LRFN2: variants seen among roughly 807,000 people sequenced by gnomAD.
LRFN2 encodes the protein leucine rich repeat and fibronectin type III domain containing 2, also known as leucine-rich repeat and fibronectin type-III domain-containing protein 2.
A neutral mutation model predicts 37.3 loss-of-function variants in LRFN2; 18 were observed. That is an observed-to-expected ratio of 0.48 (90% CI 0.33 to 0.72). The LOEUF is 0.72. Among genes scored for constraint, LRFN2 ranks in the 30% least tolerant of loss-of-function variants. LRFN2 has a pLI of 0.02. For missense variants in LRFN2, 1,006 were observed against 1,060.7 expected, an observed-to-expected ratio of 0.95 and a Z score of 0.72; for synonymous variants, 556 against 466.6, an observed-to-expected ratio of 1.19 and a Z score of -2.47.
At chr6:40,471,171 C>A (rs1014581537) in intron 1 of LRFN2, among the ~76,000 whole-genome samples, 1 of 152,100 alleles carries the variant, frequency 6.6e-6, no homozygotes, top group Non-Finnish European at 1.5e-5. Context: ...GTGCAGATAT[C>A]TGAGAGTGTC....
At chr6:40,584,458 C>T (rs915775043) in intron 1 of LRFN2, among the ~76,000 whole-genome samples, 1 of 152,160 alleles carries the variant, frequency 6.6e-6, no homozygotes. Flanking sequence ...GACCCTAAAA[C>T]TCCACCCCTA....
chr6:40,526,904 C>A (rs1026341213), intron 1 of LRFN2, among the ~76,000 whole-genome samples: 1 of 152,172 alleles, frequency 6.6e-6, no homozygotes, highest in Non-Finnish European at 1.5e-5. Flanking sequence ...CTGCCTGGCT[C>A]CTGGGATCAT....
At chr6:40,478,340 C>T (rs1764753138) in intron 1 of LRFN2, among the ~76,000 whole-genome samples, 1 of 152,178 alleles carries the variant, frequency 6.6e-6, no homozygotes, top group African/African-American at 2.4e-5. Flanking sequence ...TATTAATTGC[C>T]ACCATTATCA....
In LRFN2 at chr6:40,432,059, T is replaced by C; in HGVS notation, c.1055A>G (p.Gln352Arg). ...AATGCAGGTGAAGGCACCACTGTCC[T>C]GAGATGTGGTGATGAAGATGTCCAG... Reference protein sequence around the residue: ...GTLDIFITTSQDSGAFTCIAA... With the variant: ...GTLDIFITTSRDSGAFTCIAA... The change falls in exon 2 of 3, where the codon CAG becomes CGG. Residue 352 changes from glutamine (Q) to arginine (R), a missense_variant. Transcript: ENST00000338305. 1.9e-6 allele frequency: 3 copies of C among 1,611,198 alleles called. No individual in the cohort carries two copies.
At chr6:40,401,579 C>G (rs1762741947) in intron 2 of LRFN2, among the ~76,000 whole-genome samples, 1 of 152,154 alleles carries the variant, frequency 6.6e-6, no homozygotes, top group African/African-American at 2.4e-5. Flanking sequence ...TTTGCAACAG[C>G]AGTTGCCTCC....
intron 1 of LRFN2, among the ~76,000 whole-genome samples, chr6:40,452,386 A>G (rs1246271813): frequency 6.6e-6 from 1 of 152,204 alleles, no homozygotes; most frequent in East Asian, 1.9e-4. Context: ...ACCAACAACA[A>G]TTTAGAATTA....
chr6:40,484,471 A>G (rs1255642156), intron 1 of LRFN2, among the ~76,000 whole-genome samples: 7 of 152,302 alleles, frequency 4.6e-5, no homozygotes, highest in Non-Finnish European at 1.5e-5. Context: ...TAATGTGCAC[A>G]CAAATCACCC....
At chr6:40,550,084 G>T (rs778409076) in intron 1 of LRFN2, among the ~76,000 whole-genome samples, 2 of 152,084 alleles carry the variant, frequency 1.3e-5, no homozygotes, top group South Asian at 4.2e-4. Flanking sequence ...TCTCTTTCTG[G>T]CAGTGAGGAC....
intron 1 of LRFN2, among the ~76,000 whole-genome samples, chr6:40,554,476 C>G (rs890669724): frequency 1.3e-5 from 2 of 152,098 alleles, no homozygotes; most frequent in African/African-American, 4.8e-5. Context: ...GGCAGAGAGA[C>G]AAAATGACAG....
At chr6:40,452,672 C>T (rs1209453216) in intron 1 of LRFN2, among the ~76,000 whole-genome samples, 3 of 152,180 alleles carry the variant, frequency 2.0e-5, no homozygotes, top group African/African-American at 7.2e-5. Context: ...AAAAGAGCCA[C>T]GCAGACCACA....
chr6:40,450,933 T>C (rs1764087712), intron 1 of LRFN2, among the ~76,000 whole-genome samples: 3 of 152,308 alleles, frequency 2.0e-5, no homozygotes, highest in Admixed American at 6.5e-5. Context: ...TCATGAGACC[T>C]GAAGGAGGGA....
intron 1 of LRFN2, among the ~76,000 whole-genome samples, chr6:40,461,945 A>G (rs1043810865): frequency 6.6e-6 from 1 of 152,198 alleles, no homozygotes; most frequent in Non-Finnish European, 1.5e-5. Flanking sequence ...ATTTGTAGTT[A>G]TGCAGGCTCA....
intron 1 of LRFN2, among the ~76,000 whole-genome samples, chr6:40,547,588 T>A (rs1455615182): frequency 2.0e-5 from 3 of 152,120 alleles, no homozygotes; most frequent in Non-Finnish European, 4.4e-5. Flanking sequence ...AGGAGGCTGG[T>A]CAGTGCAGCC....
At chr6:40,583,059 T>G (rs527767346) in intron 1 of LRFN2, among the ~76,000 whole-genome samples, 67 of 152,300 alleles carry the variant, frequency 4.4e-4, no homozygotes, top group African/African-American at 1.5e-3. Flanking sequence ...CTCTGTTAAT[T>G]TTAAGACAAT....
chr6:40,459,965 G>T (rs1280771294), intron 1 of LRFN2, among the ~76,000 whole-genome samples: 1 of 152,222 alleles, frequency 6.6e-6, no homozygotes, highest in Non-Finnish European at 1.5e-5. Flanking sequence ...AACCTAGGAA[G>T]CTGCAATTGC....
At chr6:40,464,717 G>A (rs958948999) in intron 1 of LRFN2, among the ~76,000 whole-genome samples, 8 of 152,034 alleles carry the variant, frequency 5.3e-5, no homozygotes, top group South Asian at 2.1e-4. Context: ...TCTGCCTTCC[G>A]TGGCCACAAG....
chr6:40,403,112 G>A (rs1441242292), intron 2 of LRFN2, among the ~76,000 whole-genome samples: 2 of 152,236 alleles, frequency 1.3e-5, no homozygotes, highest in Non-Finnish European at 2.9e-5. Context: ...ATTGGCTGCT[G>A]GGTGCTAATG....
chr6:40,439,645 T>C (rs1753342550), intron 1 of LRFN2, among the ~76,000 whole-genome samples: 1 of 152,132 alleles, frequency 6.6e-6, no homozygotes, highest in South Asian at 2.1e-4. Context: ...GCCCATACAC[T>C]CTCAGGAAGT....
intron 1 of LRFN2, chr6:40,516,396 A>G (rs151016336): frequency 6.6e-6 from 1 of 152,248 alleles, no homozygotes; most frequent in Non-Finnish European, 1.5e-5. Context: ...GTCACCAAGC[A>G]GACTTCACAG....
Sources: allele counts gnomAD v4.1 joint callset (sites outside exome capture counted in the v4.1 genomes callset), GRCh38; gene constraint gnomAD v4.1.1; transcripts MANE v1.5; gene names NCBI Gene and HGNC (gene_info 2026-07-23, HGNC 2026-07-21).